The following RIMS2 variants were observed in gnomAD, a reference collection of about 807,000 sequenced individuals.
RIMS2 encodes regulating synaptic membrane exocytosis 2, also known as regulating synaptic membrane exocytosis protein 2.
A neutral mutation model predicts 174.4 loss-of-function variants in RIMS2; 59 were observed. That is an observed-to-expected ratio of 0.34 (90% CI 0.27 to 0.42). The LOEUF is 0.42. RIMS2 is among the 10% of genes least tolerant of loss of function. The probability of loss-of-function intolerance (pLI) is 1.00; values close to 1 mark genes in which losing one functional copy is unlikely to be tolerated. For synonymous variants in RIMS2, 606 were observed against 572.5 expected (o/e 1.06, Z -0.84); for missense variants, 1,620 against 1,666.3 (o/e 0.97, Z 0.48).
intron 19 of RIMS2, among the ~76,000 whole-genome samples, chr8:104,041,030 T>G (rs1382748430): frequency 1.3e-5 from 2 of 151,736 alleles, no homozygotes; most frequent in African/African-American, 4.8e-5. Context: ...TCTTCAGCAT[T>G]GGTGTTCAGG....
chr8:103,827,265 G>C (rs2098797085), intron 3 of RIMS2, among the ~76,000 whole-genome samples: 1 of 152,046 alleles, frequency 6.6e-6, no homozygotes, highest in Non-Finnish European at 1.5e-5. Flanking sequence ...TCAATATCGA[G>C]TTGTTTGCTG....
intron 19 of RIMS2, among the ~76,000 whole-genome samples, chr8:104,044,528 CA>C (rs34056405): frequency 0.016 from 2,077 of 129,520 alleles, 56 homozygotes; most frequent in African/African-American, 0.052. Context: ...ACTTTTCTTA[CA>C]AAAAAAAAAA....
intron 16 of RIMS2, chr8:103,977,251 A>G (rs566502268): frequency 6.6e-6 from 1 of 152,346 alleles, no homozygotes; most frequent in South Asian, 2.1e-4. Flanking sequence ...GTTGACAAAC[A>G]TGGTTTAAAG....
intron 19 of RIMS2, among the ~76,000 whole-genome samples, chr8:104,132,020 G>T (rs1010726399): frequency 1.1e-4 from 17 of 152,192 alleles, no homozygotes; most frequent in Middle Eastern, 3.4e-3. Flanking sequence ...ATTCTTAATT[G>T]CATCTGTAAT....
intron 2 of RIMS2, among the ~76,000 whole-genome samples, chr8:103,717,320 A>C (rs1469389193): frequency 6.6e-6 from 1 of 151,224 alleles, no homozygotes; most frequent in Admixed American, 6.6e-5. Flanking sequence ...AAAAAAAAAA[A>C]AAACCTGTAG....
chr8:103,783,927 C>G (rs2098416740), intron 3 of RIMS2, among the ~76,000 whole-genome samples: 1 of 151,890 alleles, frequency 6.6e-6, no homozygotes, highest in African/African-American at 2.4e-5. Flanking sequence ...TCTCCAGCAC[C>G]TGTTGTTTCC....
intron 12 of RIMS2, among the ~76,000 whole-genome samples, chr8:103,933,451 T>C (rs1198652322): frequency 6.6e-6 from 1 of 152,108 alleles, no homozygotes; most frequent in South Asian, 2.1e-4. Flanking sequence ...GCATGCGGCA[T>C]TGCACTGCAG....
At chr8:103,820,814 G>A (rs184406126) in intron 3 of RIMS2, among the ~76,000 whole-genome samples, 41 of 151,518 alleles carry the variant, frequency 2.7e-4, no homozygotes, top group African/African-American at 9.4e-4. Context: ...TGAAATGTTA[G>A]GATATTCTAA....
chr8:104,086,473 A>C (rs1395354566), intron 19 of RIMS2, among the ~76,000 whole-genome samples: 1 of 152,002 alleles, frequency 6.6e-6, no homozygotes, highest in Non-Finnish European at 1.5e-5. Context: ...GAAGTAAATT[A>C]AGATTGTTTC....
intron 1 of RIMS2, among the ~76,000 whole-genome samples, chr8:103,574,897 T>C (rs1009463067): frequency 1.3e-5 from 2 of 152,194 alleles, no homozygotes; most frequent in African/African-American, 4.8e-5. Flanking sequence ...GTGAAGTAAC[T>C]TTAAATCTAG....
At chr8:104,223,449 C>G (rs117042096) in intron 19 of RIMS2, 26,062 of 1,374,394 alleles carry the variant, frequency 0.019, 318 homozygotes, top group Non-Finnish European at 0.022. Context: ...CTGGACCCCT[C>G]TCCAATAAAT....
At chr8:103,677,755 A>T in intron 1 of RIMS2, among the ~76,000 whole-genome samples, 1 of 152,176 alleles carries the variant, frequency 6.6e-6, no homozygotes, top group Non-Finnish European at 1.5e-5. Context: ...TAGCCCCCCA[A>T]CCAGAACAGA....
chr8:103,895,006 T>A (rs999745289), intron 4 of RIMS2, among the ~76,000 whole-genome samples: 3 of 151,632 alleles, frequency 2.0e-5, no homozygotes, highest in African/African-American at 7.3e-5. Flanking sequence ...AATTAAGTTT[T>A]AAAAATTAAA....
chr8:103,828,056 A>C (rs80155826), intron 3 of RIMS2, among the ~76,000 whole-genome samples: 1 of 152,000 alleles, frequency 6.6e-6, no homozygotes, highest in Non-Finnish European at 1.5e-5. Flanking sequence ...ATACCACCTC[A>C]TGGGATACTT....
At chr8:104,047,771 G>A (rs985293878) in intron 19 of RIMS2, among the ~76,000 whole-genome samples, 1 of 152,032 alleles carries the variant, frequency 6.6e-6, no homozygotes, top group African/African-American at 2.4e-5. Context: ...GTGACTGCTA[G>A]TTTAGGAGAT....
chr8:103,509,499 A>C (rs1423312692), intron 1 of RIMS2, among the ~76,000 whole-genome samples: 2 of 152,098 alleles, frequency 1.3e-5, no homozygotes, highest in East Asian at 3.8e-4. Context: ...TGGAAATATG[A>C]GTGTATTTTA....
At chr8:104,166,375 T>G (rs1391972408) in intron 19 of RIMS2, among the ~76,000 whole-genome samples, 8 of 152,074 alleles carry the variant, frequency 5.3e-5, no homozygotes, top group Non-Finnish European at 1.2e-4. Context: ...CTGGATGACT[T>G]CTTGAAGGTT....
intron 1 of RIMS2, among the ~76,000 whole-genome samples, chr8:103,591,570 A>T (rs763425542): frequency 2.6e-5 from 4 of 151,162 alleles, no homozygotes; most frequent in Non-Finnish European, 5.9e-5. Context: ...ATCCGTGTTG[A>T]ATTAATTATT....
Position 104,062,013 on chromosome 8 carries a change from TATG to T in RIMS2, c.3334+47401_3334+47403del, listed in dbSNP as rs543402959. Among the ~76,000 whole-genome samples the T allele has an allele frequency of 1.1e-4, 17 of 152,248 alleles. No homozygotes were observed. The South Asian group carries it at 1.4e-3, about 13-fold the overall frequency. ...AAAATTTGATCAAAATGATCAAAAA[TATG>T]ATCATTTTTAAGTTTTTTTCATATA... On this transcript the variant is annotated intron_variant, in intron 19 of 23. Transcript: ENST00000504942.
Sources: allele counts gnomAD v4.1 joint callset (sites outside exome capture counted in the v4.1 genomes callset), GRCh38; gene constraint gnomAD v4.1.1; transcripts MANE v1.5; gene names NCBI Gene and HGNC (gene_info 2026-07-23, HGNC 2026-07-21).